Variants in PLA2G15 observed in about 807,000 individuals in gnomAD.
PLA2G15 encodes the protein phospholipase A2 group XV, also known as lysosomal phospholipase A and acyltransferase.
In PLA2G15, 20 loss-of-function variants were observed where a neutral mutation model predicts 40.9. The observed-to-expected ratio is 0.49, with a 90% CI of 0.34 to 0.71. The LOEUF is 0.71. PLA2G15 is among the 30% of genes least tolerant of loss of function. PLA2G15 has a pLI of 0.01. For synonymous variants in PLA2G15, 223 were observed against 228.2 expected, an observed-to-expected ratio of 0.98 and a Z score of 0.21; for missense variants, 471 against 541.9, an observed-to-expected ratio of 0.87 and a Z score of 1.30.
chr16:68,249,186 A>G (rs574199160), intron 1 of PLA2G15, 104 bp from the exon 2 acceptor site: 3 of 867,862 alleles, frequency 3.5e-6, no homozygotes, highest in African/African-American at 3.3e-5. Context: ...CAGGTCTGCC[A>G]TATTATCTGT....
At chr16:68,257,722 C>A (rs1361383627) in intron 5 of PLA2G15, among the ~76,000 whole-genome samples, 1 of 152,182 alleles carries the variant, frequency 6.6e-6, no homozygotes, top group African/African-American at 2.4e-5. Flanking sequence ...GGAAGACACT[C>A]AGATTTAGTG....
chr16:68,253,390 T>G (rs184136687), intron 2 of PLA2G15: 26 of 435,672 alleles, frequency 6.0e-5, no homozygotes, highest in Middle Eastern at 6.9e-4. Context: ...TTGTTTGTTT[T>G]TTTGAGACAG....
rs943730122 is a variant in PLA2G15 at position 68,255,457 on chromosome 16, G to C, written c.502+77G>C. 6.0e-6 allele frequency: 6 copies of C among 992,476 alleles called. No individual in the cohort carries two copies. The highest frequency in any genetic ancestry group is 7.5e-6 in the Non-Finnish European group (5 of 664,658). 61.5% of individuals were successfully genotyped at this position (992,476 alleles called of 1,614,324 possible). ...GTGATCATGGGCACCACAGACCTTG[G>C]GCTCTCCCCTTGTCCTTGGCTGTCT... On this transcript the variant is annotated intron_variant, in intron 4 of 5. Transcript: ENST00000219345. This position sits in a 1 kb window ranked among gnomAD's most constrained non-coding sequence, Gnocchi z 5.9.
chr16:68,254,835 A>C, intron 2 of PLA2G15, 84 bp from the exon 3 acceptor site: 1 of 823,982 alleles, frequency 1.2e-6, no homozygotes, highest in Admixed American at 1.9e-5. Context: ...AGAAGGGAGT[A>C]TGACTCAGGA....
chr16:68,256,189 C>T, intron 5 of PLA2G15, 199 bp downstream of exon 5: 1 of 545,664 alleles, frequency 1.8e-6, no homozygotes, highest in South Asian at 2.4e-5. Flanking sequence ...TTAATAGGGA[C>T]ATACGAATAG....
chr16:68,245,685 G>T, intron 1 of PLA2G15, 132 bp downstream of exon 1: 1 of 1,069,948 alleles, frequency 9.3e-7, no homozygotes, highest in Non-Finnish European at 1.3e-6. Context: ...TCACTTAGGT[G>T]ATCTAGATCT....
chr16:68,255,777 C>A lies in PLA2G15; in HGVS notation c.514C>A (p.Pro172Thr), dbSNP rs568224131. ...GCTCTGGCCTGCAGATGAAAACGGGCCCTACTTCCTGGCCCTCCGCGAGAT... is the reference window on the plus strand; with the variant it reads ...GCTCTGGCCTGCAGATGAAAACGGGACCTACTTCCTGGCCCTCCGCGAGAT... ...DWRRAPNENGPYFLALREMIE... is the reference protein window; with the variant it reads ...DWRRAPNENGTYFLALREMIE... The change falls in exon 5 of 6, where the codon CCC (proline) becomes ACC (threonine). Residue 172 changes from proline to threonine, a missense_variant. Physicochemically the swap from Pro to Thr is conservative, Grantham distance 38. Coordinates refer to ENST00000219345, the MANE Select transcript of PLA2G15 (RefSeq NM_012320.4). This position sits in a 1 kb window ranked among gnomAD's most constrained non-coding sequence, Gnocchi z 5.9. 2 of 1,614,056 alleles carry A rather than the reference C, an allele frequency of 1.2e-6. No homozygotes were observed. Among genetic ancestry groups the A allele is most frequent in the African/African-American group, 1.3e-5 (1 of 75,054 alleles).
chr16:68,248,250 G>A (rs1279125493), intron 1 of PLA2G15: 1 of 152,188 alleles, frequency 6.6e-6, no homozygotes, highest in Admixed American at 6.6e-5. Flanking sequence ...TACTTTGTCT[G>A]GTTGAATTTT....
rs868823467 is a variant in PLA2G15, at chr16:68,260,812, C to T, written c.*1155C>T. 5 of 152,280 alleles carry T rather than the reference C, an allele frequency of 3.3e-5. No homozygotes were observed. The highest frequency in any genetic ancestry group is 2.1e-4 in the South Asian group (1 of 4,842). The allele number at this position is 152,280 out of a possible 1,614,324, so 9.4% of individuals were successfully genotyped here. ...AGGCATGGAGAGTCAGGGCTGCCTTCATGGCAGTAGGCTCTAAGTGGGTGA... is the reference window on the plus strand; with the variant it reads ...AGGCATGGAGAGTCAGGGCTGCCTTTATGGCAGTAGGCTCTAAGTGGGTGA... On this transcript the variant is annotated 3_prime_UTR_variant, in exon 6 of 6. Coordinates refer to ENST00000219345, the MANE Select transcript of PLA2G15 (RefSeq NM_012320.4).
rs57693862 is a variant in PLA2G15 at position 68,247,749 on chromosome 16, C to T, written c.128-1541C>T. On this transcript the variant is annotated intron_variant, in intron 1 of 5. Transcript: ENST00000219345. Reference sequence around the variant, plus strand: ...ACTGGGATGGTGCCCAGGGAGGGCACGCCCTGTTCAGGGTGGATTTACGGT... The same window carrying T: ...ACTGGGATGGTGCCCAGGGAGGGCATGCCCTGTTCAGGGTGGATTTACGGT... 3.8e-3 allele frequency among the ~76,000 whole-genome samples: 575 copies of T among 152,338 alleles called. 6 individuals carry two copies. The highest frequency in any genetic ancestry group is 0.013 in the African/African-American group (561 of 41,588).
In PLA2G15 at chr16:68,259,748, A is replaced by C; in HGVS notation, c.*91A>C. 1 of 1,265,912 alleles carries C rather than the reference A, an allele frequency of 7.9e-7. No individual in the cohort carries two copies. The highest frequency in any genetic ancestry group is 1.1e-6 in the Non-Finnish European group (1 of 910,734). 78.4% of individuals were successfully genotyped at this position (1,265,912 alleles called of 1,614,324 possible). A position where few individuals can be genotyped will look rare whatever the true frequency, so the allele number is the denominator to read the frequency against. Reference sequence around the variant, plus strand: ...GCCCACGCGTTTTGCAAAGTTTGTGACTCACCATTCAAGGCCCCGAGTCTT... The same window carrying C: ...GCCCACGCGTTTTGCAAAGTTTGTGCCTCACCATTCAAGGCCCCGAGTCTT... On this transcript the variant is annotated 3_prime_UTR_variant, in exon 6 of 6. Transcript: ENST00000219345. The surrounding 1 kb of genome is among the most constrained non-coding windows in gnomAD (Gnocchi z 6.5).
intron 2 of PLA2G15, among the ~76,000 whole-genome samples, chr16:68,253,249 C>G (rs1305714269): frequency 6.6e-6 from 1 of 152,214 alleles, no homozygotes; most frequent in Non-Finnish European, 1.5e-5. Flanking sequence ...TGGGGCCACA[C>G]AAGGCCTTCC....
Position 68,245,494 on chromosome 16 carries a change from T to C in PLA2G15, c.68T>C (p.Leu23Pro), listed in dbSNP as rs1290237730. 1 of 1,605,456 alleles carries C rather than the reference T, an allele frequency of 6.2e-7. No homozygotes were observed. Among genetic ancestry groups the C allele is most frequent in the Middle Eastern group, 1.7e-4 (1 of 6,060 alleles). ...GATGGCCTCCTGTTCCTCTTGCTGC[T>C]GCTAATGCTGCTCGCGGACCCAGCG... is the stretch of plus-strand genomic sequence containing the variant. The part of the protein sequence containing the change: ...LPDGLLFLLL[L>P]LMLLADPALP... The change falls in exon 1 of 6, where the codon CTG (leucine) becomes CCG (proline). Residue 23 changes from leucine to proline, a missense_variant. Transcript: ENST00000219345.
At chr16:68,248,794 A>G (rs1042800573) in intron 1 of PLA2G15, 10 of 812,340 alleles carry the variant, frequency 1.2e-5, no homozygotes, top group Admixed American at 6.0e-5. Context: ...ATCGGGGTCC[A>G]TTAACCATAG....
At position 68,245,374 on chromosome 16, in the gene PLA2G15, A is replaced by G; in HGVS notation, c.-53A>G. 1.9e-6 allele frequency: 3 copies of G among 1,582,502 alleles called. No individual in the cohort carries two copies. The highest frequency in any genetic ancestry group is 2.6e-6 in the Non-Finnish European group (3 of 1,168,418). On this transcript the variant is annotated 5_prime_UTR_variant, in exon 1 of 6. Transcript: ENST00000219345. ...CGTCGCCACCGCCCCCGCCTAGGCG[A>G]GAGCCCAGAGAGCTGAACCTGCATC...
chr16:68,253,351 G>C, intron 2 of PLA2G15: 1 of 406,212 alleles, frequency 2.5e-6, no homozygotes, highest in South Asian at 1.8e-5. Flanking sequence ...CTGAGGCATG[G>C]TGCCTTTCTA....
intron 5 of PLA2G15, among the ~76,000 whole-genome samples, chr16:68,258,090 C>A (rs997189332): frequency 2.0e-5 from 3 of 152,170 alleles, no homozygotes; most frequent in Admixed American, 6.5e-5. Context: ...GCCAGAGGCC[C>A]CTGTTCCCAA....
At position 68,255,688 on chromosome 16, in the gene PLA2G15, T is replaced by C. The variant is rs769220423; in HGVS notation, c.503-78T>C. The C allele has an allele frequency of 1.6e-5, 20 of 1,219,340 alleles. No individual in the cohort carries two copies. In the African/African-American group the frequency reaches 2.7e-4, roughly 16 times the overall value. The allele number at this position is 1,219,340 out of a possible 1,614,324, so 75.5% of individuals were successfully genotyped here. ...ACCCTCCCCTCCCCCTCTCGTCTTG[T>C]GTCTGGCCTGAGAAAAGCTCAGTGG... On this transcript the variant is annotated intron_variant, in intron 4 of 5. Coordinates refer to ENST00000219345, the MANE Select transcript of PLA2G15 (RefSeq NM_012320.4). This position sits in a 1 kb window ranked among gnomAD's most constrained non-coding sequence, Gnocchi z 5.9.
intron 2 of PLA2G15, chr16:68,252,656 A>G (rs1234524402): frequency 2.2e-6 from 1 of 451,868 alleles, no homozygotes; most frequent in Non-Finnish European, 4.4e-6. Context: ...AGTCTGTGGT[A>G]ATTTATTACA....
Sources: gnomAD v4.1 joint callset for allele counts (sites outside exome capture counted in the v4.1 genomes callset) on GRCh38, gnomAD v4.1.1 for gene constraint, Gnocchi (gnomAD v3.1) non-coding constraint, MANE v1.5 for transcripts, NCBI Gene and HGNC (gene_info 2026-07-23, HGNC 2026-07-21) for gene names.